The following TRIM9 variants were observed in gnomAD, a reference collection of about 807,000 sequenced individuals.
The protein encoded by TRIM9 is E3 ubiquitin-protein ligase TRIM9.
TRIM9 carries 26 observed loss-of-function variants against 78.3 expected under a neutral mutation model. That is an observed-to-expected ratio of 0.33 (90% CI 0.24 to 0.46). The LOEUF (loss-of-function observed/expected upper bound fraction) is 0.46, where lower values mean the gene tolerates loss of function less well. TRIM9 is among the 20% of genes least tolerant of loss of function. TRIM9 has a pLI of 1.00. For missense variants in TRIM9, 787 were observed against 1,036.4 expected, an observed-to-expected ratio of 0.76 and a Z score of 3.30; for synonymous variants, 398 against 416.5, an observed-to-expected ratio of 0.96 and a Z score of 0.54.
rs1274328480 is a variant in TRIM9, at chr14:50,992,980, A to AT, written c.1603+5069dup. On this transcript the variant is annotated intron_variant, in intron 7 of 12. Coordinates refer to ENST00000684578, the MANE Select transcript of TRIM9 (RefSeq NM_001387360.1). ...AATTATCACTGACTACCTTCTCCCCATTTTCCCTCCCAGTTAGGACAGGCA... is the reference window on the plus strand; with the variant it reads ...AATTATCACTGACTACCTTCTCCCCATTTTTCCCTCCCAGTTAGGACAGGCA... Among the ~76,000 whole-genome samples, 3 of 152,230 alleles carry AT rather than the reference A, an allele frequency of 2.0e-5. No individual in the cohort carries two copies. The East Asian group carries it at 5.8e-4, about 29-fold the overall frequency.
intron 1 of TRIM9, among the ~76,000 whole-genome samples, chr14:51,035,002 C>T (rs2059018603): frequency 6.6e-6 from 1 of 152,006 alleles, no homozygotes; most frequent in South Asian, 2.1e-4. Flanking sequence ...GGGGTAGTAA[C>T]ATATTTAGTC....
intron 7 of TRIM9, chr14:50,997,757 C>T (rs2054411461): frequency 3.8e-6 from 5 of 1,333,202 alleles, no homozygotes; most frequent in East Asian, 2.9e-5. Context: ...ACCAGGGGCA[C>T]ATTCAGGCCT....
intron 7 of TRIM9, among the ~76,000 whole-genome samples, chr14:50,990,261 T>C (rs947827406): frequency 1.3e-5 from 2 of 152,136 alleles, no homozygotes; most frequent in Non-Finnish European, 2.9e-5. Flanking sequence ...CAAGCAGTCC[T>C]CCCACCTCAG....
At chr14:51,053,840 A>G (rs1316108938) in intron 1 of TRIM9, among the ~76,000 whole-genome samples, 1 of 151,978 alleles carries the variant, frequency 6.6e-6, no homozygotes, top group Admixed American at 6.6e-5. Context: ...ATGGATGGTA[A>G]GAATTACAAA....
intron 1 of TRIM9, among the ~76,000 whole-genome samples, chr14:51,064,666 G>T (rs1348266726): frequency 6.9e-6 from 1 of 144,354 alleles, no homozygotes; most frequent in Admixed American, 6.9e-5. Flanking sequence ...TGGAAGAGAG[G>T]ATATCACACA....
chr14:51,025,385 T>C, intron 1 of TRIM9, 25 bp from the exon 2 acceptor site: 4 of 1,610,732 alleles, frequency 2.5e-6, no homozygotes, highest in Non-Finnish European at 2.5e-6. Flanking sequence ...AAGGAAGCCA[T>C]GGAGCTGTAA....
intron 7 of TRIM9, chr14:50,997,485 G>C: frequency 2.0e-6 from 2 of 985,678 alleles, no homozygotes; most frequent in Non-Finnish European, 2.4e-6. Context: ...GACGGCCTCC[G>C]CTTTGGGTAT....
At position 50,977,340 on chromosome 14, in the gene TRIM9, G is replaced by A. The variant is rs2051167090; in HGVS notation, c.2339C>T (p.Thr780Ile). ...LNRNVQVTLHTGLPVPDFYSS... is the reference protein window; with the variant it reads ...LNRNVQVTLHIGLPVPDFYSS... ...GTAGAAGTCGGGGACTGGGAGCCCG[G>A]TGTGCAGCGTGACCTGGGGAATGAG... The change falls in exon 13 of 13, where the codon ACC becomes ATC. Residue 780 changes from threonine (T) to isoleucine (I), a missense_variant. Thr to Ile is a moderately conservative substitution (Grantham distance 89, BLOSUM62 -1). This residue lies in a region of TRIM9 where 421 missense variants were observed against 514.3 expected (regional missense o/e 0.82). Coordinates refer to ENST00000684578, the MANE Select transcript of TRIM9 (RefSeq NM_001387360.1). 8 of 1,548,290 alleles carry A rather than the reference G, an allele frequency of 5.2e-6. No individual in the cohort carries two copies. Among genetic ancestry groups the A allele is most frequent in the Non-Finnish European group, 6.1e-6 (7 of 1,144,318 alleles).
At position 51,002,105 on chromosome 14, in the gene TRIM9, TTGTG is replaced by T. The variant is rs10569486; in HGVS notation, c.1307-1269_1307-1266del. On this transcript the variant is annotated intron_variant, in intron 5 of 12. Transcript: ENST00000684578. ...ATATATGTAGTTGGGAACCATGGTT[TTGTG>T]TGTGTGTGTGTGTGTGTTTTTCTTT... Among the ~76,000 whole-genome samples the T allele has an allele frequency of 3.0e-3, 443 of 146,850 alleles. 5 individuals are homozygous for T. The South Asian group carries it at 0.032, about 11-fold the overall frequency.
intron 1 of TRIM9, among the ~76,000 whole-genome samples, chr14:51,027,193 A>G (rs977862239): frequency 5.5e-5 from 7 of 127,350 alleles, no homozygotes; most frequent in Non-Finnish European, 9.4e-5. Flanking sequence ...ACCCAGGCTG[A>G]AGTGCAATGG....
intron 1 of TRIM9, among the ~76,000 whole-genome samples, chr14:51,031,145 T>TA: frequency 5.3e-5 from 1 of 18,902 alleles, no homozygotes. Flanking sequence ...TGAAACTCTT[T>TA]CCAAAAAAAA....
intron 8 of TRIM9, among the ~76,000 whole-genome samples, chr14:50,983,909 A>G (rs1263992236): frequency 6.6e-6 from 1 of 152,244 alleles, no homozygotes; most frequent in Non-Finnish European, 1.5e-5. Context: ...GAATACATAC[A>G]TCTTATTAAT....
chr14:50,980,559 C>T (rs2051732550), intron 11 of TRIM9, among the ~76,000 whole-genome samples: 1 of 152,166 alleles, frequency 6.6e-6, no homozygotes, highest in Non-Finnish European at 1.5e-5. Context: ...TGCATGCAAG[C>T]AGATGTGTTC....
chr14:51,015,505 CTTTTTTTTTTTTTTTTTT>C (rs369652663), intron 3 of TRIM9, among the ~76,000 whole-genome samples: 1 of 61,332 alleles, frequency 1.6e-5, no homozygotes, highest in African/African-American at 6.8e-5. Flanking sequence ...CTTTACTTTT[CTTTTTTTTTTTTTTTTTT>C]TTTTTTTTTT....
At chr14:51,087,851 A>T (rs1423856208) in intron 1 of TRIM9, among the ~76,000 whole-genome samples, 1 of 152,096 alleles carries the variant, frequency 6.6e-6, no homozygotes, top group Non-Finnish European at 1.5e-5. Flanking sequence ...TTAATGAAAA[A>T]CTCAATTAGA....
At chr14:51,070,680 A>G (rs1430639685) in intron 1 of TRIM9, among the ~76,000 whole-genome samples, 4 of 152,054 alleles carry the variant, frequency 2.6e-5, no homozygotes, top group South Asian at 2.1e-4. Flanking sequence ...AGAATACTCA[A>G]CCTGCACTGG....
chr14:51,026,114 C>G (rs572594923), intron 1 of TRIM9, among the ~76,000 whole-genome samples: 2 of 152,282 alleles, frequency 1.3e-5, no homozygotes, highest in East Asian at 3.9e-4. Flanking sequence ...CGGACGACAC[C>G]TAAGTGGAAG....
At chr14:50,999,680 G>A (rs974701542) in intron 6 of TRIM9, among the ~76,000 whole-genome samples, 2 of 152,072 alleles carry the variant, frequency 1.3e-5, no homozygotes, top group South Asian at 2.1e-4. Flanking sequence ...TCATCCTCAC[G>A]GGCCTGAGGT....
At position 51,069,060 on chromosome 14, in the gene TRIM9, A is replaced by T. The variant is rs138533464; in HGVS notation, c.822+25058T>A. Among the ~76,000 whole-genome samples, 741 of 152,308 alleles carry T rather than the reference A, an allele frequency of 4.9e-3. 6 individuals are homozygous for T. Among genetic ancestry groups the T allele is most frequent in the African/African-American group, 0.017 (694 of 41,558 alleles). The stretch of plus-strand genomic sequence containing the variant: ...TTCAATAGTGTAGGTGAAAGGACAT[A>T]GGGGACTATGGTAAGGATTTTAATA... On this transcript the variant is annotated intron_variant, in intron 1 of 12. Transcript: ENST00000684578.
Sources: allele counts gnomAD v4.1 joint callset (sites outside exome capture counted in the v4.1 genomes callset), GRCh38; gene constraint gnomAD v4.1.1; regional missense constraint gnomAD v4.1.1; transcripts MANE v1.5; gene names NCBI Gene and HGNC (gene_info 2026-07-23, HGNC 2026-07-21).